Variants in TSACC observed in about 807,000 individuals in gnomAD.
The protein encoded by TSACC is TSSK6-activating co-chaperone protein.
In TSACC, 3 loss-of-function variants were observed where a neutral mutation model predicts 6.9. The observed-to-expected ratio is 0.43, with a 90% CI of 0.20 to 1.12. TSACC has a LOEUF of 1.12. Among genes scored for constraint, TSACC ranks in the 50% most tolerant of loss-of-function variants. TSACC has a pLI of 0.28. For missense variants in TSACC, 137 were observed against 143.9 expected, an observed-to-expected ratio of 0.95 and a Z score of 0.24; for synonymous variants, 54 against 55.1, an observed-to-expected ratio of 0.98 and a Z score of 0.09.
chr1:156,338,103 G>C, upstream of TSACC: 1 of 1,560,480 alleles, frequency 6.4e-7, no homozygotes, highest in Non-Finnish European at 8.7e-7. Flanking sequence ...GAAAAGTATG[G>C]ACAGAAGAGG....
upstream of TSACC, chr1:156,338,262 GC>G: frequency 6.7e-7 from 1 of 1,487,016 alleles, no homozygotes; most frequent in Non-Finnish European, 9.2e-7. Flanking sequence ...CCAGACAGAA[GC>G]CCAGAAAACG....
intron 1 of TSACC, 126 bp from the exon 2 acceptor site, chr1:156,339,508 A>G (rs1665694462): frequency 1.3e-5 from 6 of 449,662 alleles, no homozygotes; most frequent in African/African-American, 4.0e-5. Flanking sequence ...TTTTGTCCAG[A>G]AAAAAAAGGA....
rs770066728 is a variant in TSACC, at chr1:156,339,708, T to C, written c.-50T>C. 6 of 1,611,160 alleles carry C rather than the reference T, an allele frequency of 3.7e-6. No homozygotes were observed. The highest frequency in any genetic ancestry group is 8.5e-7 in the Non-Finnish European group (1 of 1,177,866). ...TGAAAATACTAACATGGATTGTTGATCATCTGATGCTATGATTCTTTCCCA... is the reference window on the plus strand; with the variant it reads ...TGAAAATACTAACATGGATTGTTGACCATCTGATGCTATGATTCTTTCCCA... On this transcript the variant is annotated 5_prime_UTR_variant, in exon 2 of 4. Coordinates refer to ENST00000368254, the MANE Select transcript of TSACC (RefSeq NM_001304817.2).
chr1:156,338,735 A>G (rs1417319244), intron 1 of TSACC, 130 bp downstream of exon 1: 1 of 155,414 alleles, frequency 6.4e-6, no homozygotes, highest in Admixed American at 6.4e-5. Flanking sequence ...GACTCCAGCC[A>G]GCACATGGGG....
intron 2 of TSACC, among the ~76,000 whole-genome samples, chr1:156,341,476 AC>A (rs1387804318): frequency 6.6e-6 from 1 of 152,162 alleles, no homozygotes; most frequent in Admixed American, 6.5e-5. Flanking sequence ...GAGAGTAGTG[AC>A]CACATCTGTT....
intron 2 of TSACC, among the ~76,000 whole-genome samples, chr1:156,340,943 C>T (rs1645431790): frequency 6.6e-6 from 1 of 152,140 alleles, no homozygotes; most frequent in South Asian, 2.1e-4. Context: ...GATTCTTGTG[C>T]CTCAGCCACC....
upstream of TSACC, chr1:156,337,507 C>T (rs1408903757): frequency 1.2e-5 from 2 of 168,794 alleles, no homozygotes; most frequent in Non-Finnish European, 2.6e-5. Flanking sequence ...AAGAGTACAA[C>T]GCCGGGGACA....
In TSACC at chr1:156,344,702, C is replaced by T; in HGVS notation, c.157C>T (p.Pro53Ser). ...TCTGAACATCCAGACAACAAAGCTG[C>T]CCTCGGGTAAGGATGTAGGGAGGGT... ...TFLNIQTTKL[P>S]SVDHKPKECL... The change falls in exon 3 of 4, where the codon CCC becomes TCC. Residue 53 changes from proline (P) to serine (S), a missense_variant. By Grantham distance (74) the Pro-to-Ser change is moderately conservative (BLOSUM62 -1). Transcript: ENST00000368254. 6.2e-7 allele frequency: 1 copy of T among 1,613,886 alleles called. No homozygotes were observed. Among genetic ancestry groups the T allele is most frequent in the Non-Finnish European group, 8.5e-7 (1 of 1,179,916 alleles).
intron 2 of TSACC, among the ~76,000 whole-genome samples, chr1:156,340,887 T>A (rs1264849948): frequency 6.6e-6 from 1 of 152,156 alleles, no homozygotes; most frequent in East Asian, 1.9e-4. Context: ...TCTTAAGCAG[T>A]TTACCTACTT....
At chr1:156,338,684 C>G (rs1371935343) in intron 1 of TSACC, 79 bp downstream of exon 1, 3 of 162,522 alleles carry the variant, frequency 1.8e-5, no homozygotes, top group African/African-American at 4.8e-5. Flanking sequence ...AGTTCCCACT[C>G]TTTTGGTCTA....
chr1:156,338,454 C>A (rs1194078767), upstream of TSACC: 3 of 555,280 alleles, frequency 5.4e-6, no homozygotes, highest in Non-Finnish European at 9.7e-6. Flanking sequence ...AGGGCACAGG[C>A]GCTTGCGCAG....
rs113369857 is a variant in TSACC at position 156,339,792 on chromosome 1, G to T, written c.34+1G>T. On this transcript the variant is annotated splice_donor_variant, in intron 2 of 3. Transcript: ENST00000368254. LOFTEE classifies it high-confidence loss of function. ...CACACTAGTCATCCTAACAGAAAAG[G>T]TGTGTGTTGGAGGCCCTGCTTCCCC... 1.2e-6 allele frequency: 2 copies of T among 1,613,718 alleles called. No homozygotes were observed. The highest frequency in any genetic ancestry group is 2.2e-5 in the East Asian group (1 of 44,892).
chr1:156,344,328 A>G (rs1023966485), intron 2 of TSACC, among the ~76,000 whole-genome samples: 2 of 152,160 alleles, frequency 1.3e-5, no homozygotes, highest in African/African-American at 4.8e-5. Flanking sequence ...ATACCCTAGG[A>G]TTTAGTACAG....
At chr1:156,339,836 C>T (rs533001374) in intron 2 of TSACC, 45 bp downstream of exon 2, 3 of 1,608,674 alleles carry the variant, frequency 1.9e-6, no homozygotes, top group East Asian at 2.2e-5. Context: ...AAAGCAAGAC[C>T]TCCTTTGCAT....
At chr1:156,345,398 A>G (rs754299982) in intron 3 of TSACC, among the ~76,000 whole-genome samples, 3 of 151,744 alleles carry the variant, frequency 2.0e-5, no homozygotes, top group Non-Finnish European at 2.9e-5. Context: ...CCCTGTCTCT[A>G]CTAAAAATAC....
intron 2 of TSACC, among the ~76,000 whole-genome samples, chr1:156,340,667 G>C (rs567124717): frequency 1.3e-5 from 2 of 149,468 alleles, no homozygotes; most frequent in Admixed American, 1.3e-4. Context: ...CGCCATCTTG[G>C]TCAGGCTGGT....
At chr1:156,342,642 A>G (rs1255431357) in intron 2 of TSACC, among the ~76,000 whole-genome samples, 2 of 152,212 alleles carry the variant, frequency 1.3e-5, no homozygotes, top group East Asian at 1.9e-4. Context: ...TCCTCAGGAC[A>G]TGTTTTCCAG....
chr1:156,338,180 A>C (rs766641788), upstream of TSACC: 7 of 1,588,726 alleles, frequency 4.4e-6, no homozygotes, highest in African/African-American at 8.0e-5. Context: ...ACGATGGCCC[A>C]TCATGGCGAC....
Position 156,339,737 on chromosome 1 carries a change from A to C in TSACC, c.-21A>C, listed in dbSNP as rs761162558. On this transcript the variant is annotated 5_prime_UTR_variant, in exon 2 of 4. Transcript: ENST00000368254. Reference sequence around the variant, plus strand: ...CTGATGCTATGATTCTTTCCCAGGCACCACACCTGTTGGTGTTCAGATGGA... The same window carrying C: ...CTGATGCTATGATTCTTTCCCAGGCCCCACACCTGTTGGTGTTCAGATGGA... The C allele has an allele frequency of 6.2e-7, 1 of 1,613,932 alleles. No individual in the cohort carries two copies.
Sources: allele counts gnomAD v4.1 joint callset (sites outside exome capture counted in the v4.1 genomes callset), GRCh38; gene constraint gnomAD v4.1.1; transcripts MANE v1.5; gene names NCBI Gene and HGNC (gene_info 2026-07-23, HGNC 2026-07-21).